SIK3: variants seen among roughly 807,000 people sequenced by gnomAD.
The protein encoded by SIK3 is serine/threonine-protein kinase SIK3.
In SIK3, 28 loss-of-function variants were observed where a neutral mutation model predicts 144.2. The ratio of observed to expected loss-of-function variants is 0.19; its 90% CI spans 0.14 to 0.27. The LOEUF (loss-of-function observed/expected upper bound fraction) is 0.27. Ranked by LOEUF, SIK3 falls within the 10% of genes least tolerant of loss-of-function variation. SIK3 has a pLI of 1.00. For synonymous variants in SIK3, 686 were observed against 676.3 expected (o/e 1.01, Z -0.22); for missense variants, 1,319 against 1,776.0 (o/e 0.74, Z 4.62).
At chr11:116,951,172 T>C (rs1591410037) in intron 3 of SIK3, among the ~76,000 whole-genome samples, 1 of 152,308 alleles carries the variant, frequency 6.6e-6, no homozygotes, top group Non-Finnish European at 1.5e-5. Flanking sequence ...TTGCTCTAAG[T>C]AAAAGGGCAA....
chr11:116,917,930 T>C (rs1406342491), intron 4 of SIK3, among the ~76,000 whole-genome samples: 1 of 151,526 alleles, frequency 6.6e-6, no homozygotes, highest in African/African-American at 2.4e-5. Context: ...CATACGTTGC[T>C]TGAGATTTTT....
chr11:116,979,733 G>C (rs1424005710), intron 1 of SIK3, among the ~76,000 whole-genome samples: 1 of 152,142 alleles, frequency 6.6e-6, no homozygotes, highest in Non-Finnish European at 1.5e-5. Flanking sequence ...TGTAGTCCCA[G>C]TTACTTGGGA....
At chr11:117,079,694 G>C (rs1298122256) in intron 1 of SIK3, among the ~76,000 whole-genome samples, 1 of 150,642 alleles carries the variant, frequency 6.6e-6, no homozygotes, top group East Asian at 1.9e-4. Context: ...AAAAAAATGG[G>C]TAAATATTTT....
rs749427910 is a variant in SIK3, at chr11:117,027,450, C to CTGTTTGTTTGTT, written c.274-70398_274-70387dup. 8.1e-5 allele frequency among the ~76,000 whole-genome samples: 12 copies of CTGTTTGTTTGTT among 148,306 alleles called. No individual in the cohort carries two copies. In the South Asian group the frequency reaches 2.5e-3, roughly 32 times the overall value. On this transcript the variant is annotated intron_variant, in intron 1 of 24. Coordinates refer to ENST00000445177, the MANE Select transcript of SIK3 (RefSeq NM_001366686.3). ...TTCTTTTTTTTTCTTTTTTTTATATCTGTTTGTTTGTTTGTTTGTTTGTTT... is the reference window on the plus strand; with the variant it reads ...TTCTTTTTTTTTCTTTTTTTTATATCTGTTTGTTTGTTTGTTTGTTTGTTTGTTTGTTTGTTT...
intron 1 of SIK3, among the ~76,000 whole-genome samples, chr11:117,044,042 T>A (rs987093932): frequency 3.3e-5 from 5 of 152,210 alleles, no homozygotes; most frequent in African/African-American, 1.2e-4. Context: ...TGAATCGATG[T>A]TCCTGATGAT....
intron 1 of SIK3, among the ~76,000 whole-genome samples, chr11:117,096,104 A>G (rs941943507): frequency 6.6e-6 from 1 of 152,248 alleles, no homozygotes; most frequent in Admixed American, 6.5e-5. Context: ...GAAAGCGGGC[A>G]GACCAGCCAT....
At chr11:116,884,833 C>T (rs1283881203) in intron 6 of SIK3, among the ~76,000 whole-genome samples, 2 of 152,084 alleles carry the variant, frequency 1.3e-5, no homozygotes, top group African/African-American at 4.8e-5. Flanking sequence ...AACCTTGGAA[C>T]TTAACCTATG....
chr11:116,886,630 A>G lies in SIK3; in HGVS notation c.866-9588T>C, dbSNP rs189330579. On this transcript the variant is annotated intron_variant, in intron 6 of 24. Transcript: ENST00000445177. ...GTCCACAAGAGATCTCTATGCCTTC[A>G]CTAACGCTGCAGTTTTTTCACTGTA... 5.9e-5 allele frequency among the ~76,000 whole-genome samples: 9 copies of G among 152,352 alleles called. No individual in the cohort carries two copies. The East Asian group carries it at 1.7e-3, about 29-fold the overall frequency.
chr11:117,047,792 T>C, intron 1 of SIK3, among the ~76,000 whole-genome samples: 1 of 152,238 alleles, frequency 6.6e-6, no homozygotes, highest in East Asian at 1.9e-4. Flanking sequence ...ATATAAAAAA[T>C]AGTAACAATA....
intron 6 of SIK3, among the ~76,000 whole-genome samples, chr11:116,880,408 G>A (rs554369837): frequency 6.6e-6 from 1 of 152,126 alleles, no homozygotes; most frequent in Non-Finnish European, 1.5e-5. Flanking sequence ...CCCAGACCCT[G>A]GTGTCTACAG....
At chr11:116,922,265 G>A (rs1473862191) in intron 4 of SIK3, among the ~76,000 whole-genome samples, 2 of 152,172 alleles carry the variant, frequency 1.3e-5, no homozygotes, top group Non-Finnish European at 2.9e-5. Context: ...CACTTTGGGA[G>A]GTTAAGGAGG....
Position 117,049,533 on chromosome 11 carries a change from G to A in SIK3, c.273+48610C>T, listed in dbSNP as rs186306633. ...GCAGAGATTGCAGTAAGCCGAGATC[G>A]CGCCACTGCATACCAGCCTAGGTGA... On this transcript the variant is annotated intron_variant, in intron 1 of 24. Transcript: ENST00000445177. Among the ~76,000 whole-genome samples the A allele has an allele frequency of 2.1e-3, 316 of 151,982 alleles. 3 individuals are homozygous for A. The highest frequency in any genetic ancestry group is 7.1e-3 in the African/African-American group (293 of 41,430).
intron 16 of SIK3, among the ~76,000 whole-genome samples, chr11:116,863,461 T>G (rs926780256): frequency 6.6e-6 from 1 of 152,122 alleles, no homozygotes; most frequent in Non-Finnish European, 1.5e-5. Context: ...ACTTCAGGGC[T>G]CAAGCAATCC....
At chr11:116,874,475 T>A (rs1287537327) in intron 11 of SIK3, among the ~76,000 whole-genome samples, 1 of 152,240 alleles carries the variant, frequency 6.6e-6, no homozygotes, top group East Asian at 1.9e-4. Flanking sequence ...ATAGGACAGA[T>A]AAGTACTAGA....
rs115769038 is a variant in SIK3 at position 116,927,091 on chromosome 11, T to C, written c.616+128A>G. On this transcript the variant is annotated intron_variant, in intron 4 of 24. Coordinates refer to ENST00000445177, the MANE Select transcript of SIK3 (RefSeq NM_001366686.3). Reference sequence around the variant, plus strand: ...ATCAATTTTCAGGCTATTTTTTTTTTCATCTTAAATTGTCCTTACTTTCAC... The same window carrying C: ...ATCAATTTTCAGGCTATTTTTTTTTCCATCTTAAATTGTCCTTACTTTCAC... 707 of 639,684 alleles carry C rather than the reference T, an allele frequency of 1.1e-3. 2 individuals are homozygous for C. The African/African-American group carries it at 0.012, about 11-fold the overall frequency. 39.6% of individuals were successfully genotyped at this position (639,684 alleles called of 1,614,324 possible).
At chr11:116,865,510 G>A (rs923364196) in intron 15 of SIK3, among the ~76,000 whole-genome samples, 10 of 152,076 alleles carry the variant, frequency 6.6e-5, no homozygotes, top group African/African-American at 1.2e-4. Flanking sequence ...GGATGGCCTC[G>A]CATTAGGCTG....
At position 116,853,187 on chromosome 11, in the gene SIK3, A is replaced by G. The variant is rs1164796286; in HGVS notation, c.3656-3904T>C. On this transcript the variant is annotated intron_variant, in intron 21 of 24. Transcript: ENST00000445177. ...TCTTTAATCAACTGTAAAAGACCAA[A>G]TAAGTCAAGTCTGATTTTTGGTAAG... Among the ~76,000 whole-genome samples, 3 of 152,204 alleles carry G rather than the reference A, an allele frequency of 2.0e-5. No individual in the cohort carries two copies. In the East Asian group the frequency reaches 5.8e-4, roughly 29 times the overall value.
intron 6 of SIK3, among the ~76,000 whole-genome samples, chr11:116,878,277 T>A (rs908490637): frequency 6.6e-6 from 1 of 152,170 alleles, no homozygotes. Flanking sequence ...AAGCATAAAT[T>A]TGGGCATATC....
chr11:117,021,966 A>C (rs1951796593), intron 1 of SIK3, among the ~76,000 whole-genome samples: 1 of 148,894 alleles, frequency 6.7e-6, no homozygotes, highest in Non-Finnish European at 1.5e-5. Flanking sequence ...AAAAAACCTA[A>C]AAATAACAAA....
Sources: allele counts gnomAD v4.1 joint callset (sites outside exome capture counted in the v4.1 genomes callset), GRCh38; gene constraint gnomAD v4.1.1; transcripts MANE v1.5; gene names NCBI Gene and HGNC (gene_info 2026-07-23, HGNC 2026-07-21).